Variants in SNCAIP observed in about 807,000 individuals in gnomAD.
SNCAIP encodes the protein synphilin-1.
Under a neutral mutation model 86.7 loss-of-function variants are expected in SNCAIP, and 43 were observed. The ratio of observed to expected loss-of-function variants is 0.50; its 90% CI spans 0.39 to 0.64. SNCAIP has a LOEUF of 0.64. Ranked by LOEUF, SNCAIP falls within the 30% of genes least tolerant of loss-of-function variation. SNCAIP has a pLI of 0.00. For missense variants in SNCAIP, 981 were observed against 1,103.1 expected, an observed-to-expected ratio of 0.89 and a Z score of 1.57; for synonymous variants, 417 against 427.2, an observed-to-expected ratio of 0.98 and a Z score of 0.29.
intron 7 of SNCAIP, among the ~76,000 whole-genome samples, chr5:122,442,911 G>GA (rs3842595): frequency 0.12 from 18,539 of 150,916 alleles, 1,186 homozygotes; most frequent in Non-Finnish European, 0.14. Context: ...GAAATTTAAA[G>GA]AAAAAAAAAG....
At chr5:122,416,055 T>C (rs866494872) in intron 3 of SNCAIP, among the ~76,000 whole-genome samples, 10 of 152,208 alleles carry the variant, frequency 6.6e-5, no homozygotes, top group Admixed American at 2.6e-4. Flanking sequence ...TGTCAAAATA[T>C]TGAGTCTGAT....
At chr5:122,370,279 G>A (rs1764019800) in intron 1 of SNCAIP, among the ~76,000 whole-genome samples, 1 of 151,520 alleles carries the variant, frequency 6.6e-6, no homozygotes, top group Non-Finnish European at 1.5e-5. Context: ...TTTTGCTCTT[G>A]TACTCAATAG....
intron 2 of SNCAIP, among the ~76,000 whole-genome samples, chr5:122,402,824 G>A (rs1302330523): frequency 2.6e-5 from 4 of 152,138 alleles, no homozygotes; most frequent in Non-Finnish European, 2.9e-5. Flanking sequence ...CAATGGTGAA[G>A]TAATTTATGA....
At chr5:122,341,193 C>A (rs1188628396) in intron 1 of SNCAIP, among the ~76,000 whole-genome samples, 1 of 152,150 alleles carries the variant, frequency 6.6e-6, no homozygotes, top group Non-Finnish European at 1.5e-5. Flanking sequence ...ATTGACAGGG[C>A]ACGTTTTTAA....
Position 122,438,272 on chromosome 5 carries a change from G to C in SNCAIP, c.1297-2357G>C, listed in dbSNP as rs1003357458. The stretch of plus-strand genomic sequence containing the variant: ...TGCTCATTCTCCACATCTCAGTGTG[G>C]GTTTTCTCTGGGTACTCCAGTTTCT... On this transcript the variant is annotated intron_variant, in intron 6 of 10. Coordinates refer to ENST00000261368, the MANE Select transcript of SNCAIP (RefSeq NM_005460.4). 1.1e-4 allele frequency among the ~76,000 whole-genome samples: 17 copies of C among 152,286 alleles called. No homozygotes were observed. In the East Asian group the frequency reaches 3.3e-3, roughly 29 times the overall value.
In SNCAIP at chr5:122,378,511, G is replaced by A. The variant is rs1461797527; in HGVS notation, c.-46-12578G>A. Among the ~76,000 whole-genome samples the A allele has an allele frequency of 9.2e-3, 1,312 of 142,542 alleles. 106 individuals are homozygous for A. The highest frequency in any genetic ancestry group is 0.033 in the African/African-American group (1,240 of 37,994). 93.5% of individuals were successfully genotyped at this position (142,542 alleles called of 152,430 possible). A position where few individuals can be genotyped will look rare whatever the true frequency, so the allele number is the denominator to read the frequency against. On this transcript the variant is annotated intron_variant, in intron 1 of 10. Coordinates refer to ENST00000261368, the MANE Select transcript of SNCAIP (RefSeq NM_005460.4). ...AGGTTGCCTGTTCACTCTGATGGTA[G>A]TTTCTTTTGCTGTGCAGAAGCTCTT...
intron 8 of SNCAIP, among the ~76,000 whole-genome samples, chr5:122,446,789 T>C (rs1782414266): frequency 6.6e-6 from 1 of 152,152 alleles, no homozygotes; most frequent in African/African-American, 2.4e-5. Context: ...TGGAAAACAC[T>C]AGTCTTCCCA....
intron 8 of SNCAIP, among the ~76,000 whole-genome samples, chr5:122,448,691 T>A (rs867546001): frequency 6.3e-5 from 8 of 126,446 alleles, no homozygotes; most frequent in Non-Finnish European, 1.0e-4. Flanking sequence ...ATATATATAT[T>A]ATATATATTA....
intron 1 of SNCAIP, among the ~76,000 whole-genome samples, chr5:122,360,804 AT>A (rs1762053752): frequency 6.6e-6 from 1 of 152,148 alleles, no homozygotes. Flanking sequence ...CCTAAATTTT[AT>A]TTTGTAATTT....
chr5:122,375,459 A>G (rs866742923), intron 1 of SNCAIP, among the ~76,000 whole-genome samples: 75 of 145,106 alleles, frequency 5.2e-4, no homozygotes, highest in Middle Eastern at 3.6e-3. Flanking sequence ...GCAAATTCTT[A>G]GTAGATTTTT....
Position 122,387,447 on chromosome 5 carries a change from C to T in SNCAIP, c.-46-3642C>T, listed in dbSNP as rs560235245. Among the ~76,000 whole-genome samples, 10 of 152,266 alleles carry T rather than the reference C, an allele frequency of 6.6e-5. No individual in the cohort carries two copies. In the East Asian group the frequency reaches 1.7e-3, roughly 26 times the overall value. ...GATTACAGGTGTGAGTCACCATGCCCGACCCTACATAAAGGATTTTAAGCT... is the reference window on the plus strand; with the variant it reads ...GATTACAGGTGTGAGTCACCATGCCTGACCCTACATAAAGGATTTTAAGCT... On this transcript the variant is annotated intron_variant, in intron 1 of 10. Coordinates refer to ENST00000261368, the MANE Select transcript of SNCAIP (RefSeq NM_005460.4).
At chr5:122,317,877 C>T (rs1026048644) in intron 1 of SNCAIP, among the ~76,000 whole-genome samples, 6 of 152,146 alleles carry the variant, frequency 3.9e-5, no homozygotes, top group Non-Finnish European at 7.4e-5. Flanking sequence ...ACCAAGACCT[C>T]CTGCTCCACT....
chr5:122,377,536 G>T (rs1351977817), intron 1 of SNCAIP, among the ~76,000 whole-genome samples: 1 of 148,200 alleles, frequency 6.7e-6, no homozygotes, highest in Non-Finnish European at 1.5e-5. Flanking sequence ...AAGAAAGAGA[G>T]ATCAGATATT....
Position 122,423,754 on chromosome 5 carries a change from G to T in SNCAIP, c.1002+15G>T. The T allele has an allele frequency of 6.3e-7, 1 of 1,595,360 alleles. No homozygotes were observed. The highest frequency in any genetic ancestry group is 8.5e-7 in the Non-Finnish European group (1 of 1,176,192). Reference sequence around the variant, plus strand: ...TCTCTCTCCTGGTAAGTATAATCTAGTTCAGTATACATGTCAATAGACTGG... The same window carrying T: ...TCTCTCTCCTGGTAAGTATAATCTATTTCAGTATACATGTCAATAGACTGG... On this transcript the variant is annotated intron_variant, in intron 4 of 10. Transcript: ENST00000261368.
chr5:122,424,073 T>C (rs1227541071), intron 4 of SNCAIP, among the ~76,000 whole-genome samples: 1 of 152,204 alleles, frequency 6.6e-6, no homozygotes, highest in Non-Finnish European at 1.5e-5. Context: ...CCCAGTGCTC[T>C]CACGCAGCTA....
chr5:122,358,355 C>T (rs1355535503), intron 1 of SNCAIP, among the ~76,000 whole-genome samples: 1 of 98,680 alleles, frequency 1.0e-5, no homozygotes, highest in Non-Finnish European at 1.9e-5. Flanking sequence ...TCCCTCCCCC[C>T]TCCCCCCACC....
intron 1 of SNCAIP, among the ~76,000 whole-genome samples, chr5:122,372,242 A>C (rs1290089593): frequency 6.6e-6 from 1 of 152,172 alleles, no homozygotes; most frequent in African/African-American, 2.4e-5. Flanking sequence ...TGGTCAGGCC[A>C]ATGTTGTGTT....
At chr5:122,375,805 A>G (rs1765191518) in intron 1 of SNCAIP, among the ~76,000 whole-genome samples, 1 of 152,100 alleles carries the variant, frequency 6.6e-6, no homozygotes, top group African/African-American at 2.4e-5. Flanking sequence ...CTTCATGGGA[A>G]ATGCTTAGTT....
intron 1 of SNCAIP, among the ~76,000 whole-genome samples, chr5:122,363,905 C>G (rs1475135741): frequency 3.9e-5 from 6 of 151,990 alleles, no homozygotes; most frequent in Admixed American, 2.0e-4. Flanking sequence ...TCACTGCAGT[C>G]TCAAACTCCT....
Sources: gnomAD v4.1 joint callset for allele counts (sites outside exome capture counted in the v4.1 genomes callset) on GRCh38, gnomAD v4.1.1 for gene constraint, MANE v1.5 for transcripts, NCBI Gene and HGNC (gene_info 2026-07-23, HGNC 2026-07-21) for gene names.